The following KRT6C variants were observed in gnomAD, a reference collection of about 807,000 sequenced individuals.
KRT6C encodes the protein keratin, type II cytoskeletal 6C.
KRT6C carries 46 observed loss-of-function variants against 49.4 expected under a neutral mutation model. The ratio of observed to expected loss-of-function variants is 0.93; its 90% CI spans 0.74 to 1.19. The LOEUF is 1.19. KRT6C is among the 50% of genes most tolerant of loss of function. KRT6C has a pLI of 0.00. For missense variants in KRT6C, 552 were observed against 737.5 expected (o/e 0.75, Z 2.91); for synonymous variants, 236 against 297.1 (o/e 0.79, Z 2.12).
rs555701201 is a variant in KRT6C at position 52,472,947 on chromosome 12, G to A, written c.540+251C>T. Among the ~76,000 whole-genome samples the A allele has an allele frequency of 2.7e-5, 4 of 150,146 alleles. No individual in the cohort carries two copies. The South Asian group carries it at 6.4e-4, about 24-fold the overall frequency. ...AATTAACCTACTCCACTCTCTGATG[G>A]CCTCATCTGTGCTTCAGGGTTATGA... On this transcript the variant is annotated intron_variant, in intron 1 of 8. Transcript: ENST00000252250.
At chr12:52,470,209 A>T (rs1009169745) in intron 6 of KRT6C, 2 of 598,894 alleles carry the variant, frequency 3.3e-6, no homozygotes, top group Admixed American at 2.9e-5. Flanking sequence ...TACAAGAATG[A>T]TTTTGAGGAA....
chr12:52,472,748 A>G (rs1228426348), intron 1 of KRT6C, among the ~76,000 whole-genome samples: 2 of 136,076 alleles, frequency 1.5e-5, no homozygotes, highest in Non-Finnish European at 3.4e-5. Context: ...ATTAATTAGC[A>G]TTTATCCATG....
chr12:52,470,425 T>A, intron 6 of KRT6C, 80 bp downstream of exon 6: 1 of 1,611,968 alleles, frequency 6.2e-7, no homozygotes, highest in Non-Finnish European at 8.5e-7. Flanking sequence ...TTTCAGGAAT[T>A]ATATCAAATA....
Position 52,471,740 on chromosome 12 carries a change from A to G in KRT6C, c.756-8T>C. ...TTGATTTCATCCTCATATCTACAGG[A>G]AGAAAGGCATAGGACACATATGAGC... On this transcript the variant is annotated splice_region_variant and splice_polypyrimidine_tract_variant and intron_variant, in intron 2 of 8. Transcript: ENST00000252250. 6.2e-7 allele frequency: 1 copy of G among 1,613,818 alleles called. No individual in the cohort carries two copies. The highest frequency in any genetic ancestry group is 8.5e-7 in the Non-Finnish European group (1 of 1,179,840).
chr12:52,471,162 C>T lies in KRT6C; in HGVS notation c.1047G>A (p.Arg349=), dbSNP rs1264743850. ...AQYEEIAQRS[R]AEAESWYQTK... ...TCTGGTACCAGGACTCAGCCTCAGC[C>T]CGGCTCCTCTGAGCAATCTCCTCGT... is the stretch of plus-strand genomic sequence containing the variant. Residue 349 remains arginine, a synonymous_variant, in exon 5 of 9, where the codon CGG becomes CGA. Coordinates refer to ENST00000252250, the MANE Select transcript of KRT6C (RefSeq NM_173086.5). The T allele has an allele frequency of 6.2e-7, 1 of 1,614,022 alleles. No individual in the cohort carries two copies. Among genetic ancestry groups the T allele is most frequent in the African/African-American group, 1.3e-5 (1 of 74,920 alleles).
chr12:52,469,677 C>G lies in KRT6C; in HGVS notation c.1417G>C (p.Glu473Gln). The part of the protein sequence containing the change: ...ATYRKLLEGE[E>Q]CRLNGEGVGQ... ...GTCGCGTCAGTTACCTACCTGCACT[C>G]CTCGCCCTCCAGCAGCTTGCGGTAG... Residue 473 changes from glutamate (E) to glutamine (Q), a missense_variant, in exon 7 of 9, where the codon GAG (glutamate) becomes CAG (glutamine). Transcript: ENST00000252250. 1 of 1,614,220 alleles carries G rather than the reference C, an allele frequency of 6.2e-7. No individual in the cohort carries two copies. Among genetic ancestry groups the G allele is most frequent in the Non-Finnish European group, 8.5e-7 (1 of 1,180,028 alleles).
rs371748613 is a variant in KRT6C, at chr12:52,471,729, A to G, written c.759T>C (p.Tyr253=). Residue 253 remains tyrosine, a synonymous_variant, in exon 3 of 9, where the codon TAT becomes TAC. Transcript: ENST00000252250. Reference sequence around the variant, plus strand: ...CTGTGCGCTTGTTGATTTCATCCTCATATCTACAGGAAGAAAGGCATAGGA... The same window carrying G: ...CTGTGCGCTTGTTGATTTCATCCTCGTATCTACAGGAAGAAAGGCATAGGA... ...QDLVEDLKNK[Y]EDEINKRTAA... The G allele has an allele frequency of 2.5e-6, 4 of 1,613,678 alleles. No homozygotes were observed. In the African/African-American group the frequency reaches 4.0e-5, roughly 16 times the overall value.
Position 52,472,498 on chromosome 12 carries a change from A to G in KRT6C, c.541-218T>C, listed in dbSNP as rs560364762. On this transcript the variant is annotated intron_variant, in intron 1 of 8. Transcript: ENST00000252250. ...TCCCATGGACCATTGAGGTGTTCTCACGCTGTAAGCTATTGATCATCAGTG... is the reference window on the plus strand; with the variant it reads ...TCCCATGGACCATTGAGGTGTTCTCGCGCTGTAAGCTATTGATCATCAGTG... 3.7e-5 allele frequency among the ~76,000 whole-genome samples: 5 copies of G among 135,288 alleles called. No individual in the cohort carries two copies. In the South Asian group the frequency reaches 7.0e-4, roughly 19 times the overall value. The allele number at this position is 135,288 out of a possible 152,430, so 88.8% of individuals were successfully genotyped here. A position where few individuals can be genotyped will look rare whatever the true frequency, so the allele number is the denominator to read the frequency against.
At chr12:52,470,697 T>C (rs1565808503) in intron 5 of KRT6C, 67 bp from the exon 6 acceptor site, 2 of 1,612,574 alleles carry the variant, frequency 1.2e-6, no homozygotes, top group Non-Finnish European at 1.7e-6. Context: ...TGACTTTCAC[T>C]TGTGTATCAT....
At chr12:52,471,560 T>C (rs771789027) in intron 3 of KRT6C, 44 bp from the exon 4 acceptor site, 1 of 1,599,990 alleles carries the variant, frequency 6.3e-7, no homozygotes, top group East Asian at 2.3e-5. Context: ...AGCTCACCTT[T>C]CCAATCTACC....
Position 52,468,694 on chromosome 12 carries a change from A to G in KRT6C, c.*368T>C. On this transcript the variant is annotated 3_prime_UTR_variant, in exon 9 of 9. Transcript: ENST00000252250. ...TTGGGGGCCAATGGAAAATAAGTGG[A>G]AGTTGTTCTGAAATAAGCCCCAGGC... 1 of 283,874 alleles carries G rather than the reference A, an allele frequency of 3.5e-6. No homozygotes were observed. The allele number at this position is 283,874 out of a possible 1,614,324, so 17.6% of individuals were successfully genotyped here.
In KRT6C at chr12:52,471,727, T is replaced by C. The variant is rs1316315047; in HGVS notation, c.761A>G (p.Glu254Gly). 36 of 1,613,794 alleles carry C rather than the reference T, an allele frequency of 2.2e-5. No homozygotes were observed. Among genetic ancestry groups the C allele is most frequent in the Non-Finnish European group, 3.1e-5 (36 of 1,179,824 alleles). ...DLVEDLKNKY[E>G]DEINKRTAAE... ...TGCTGTGCGCTTGTTGATTTCATCCTCATATCTACAGGAAGAAAGGCATAG... is the reference window on the plus strand; with the variant it reads ...TGCTGTGCGCTTGTTGATTTCATCCCCATATCTACAGGAAGAAAGGCATAG... Residue 254 changes from glutamate (E) to glycine (G), a missense_variant, in exon 3 of 9, where the codon GAG (glutamate) becomes GGG (glycine). Physicochemically the swap from Glu to Gly is moderately conservative, Grantham distance 98 (BLOSUM62 -2). Transcript: ENST00000252250.
rs1937917941 is a variant in KRT6C, at chr12:52,473,188, A to T, written c.540+10T>A. On this transcript the variant is annotated intron_variant, in intron 1 of 8. Coordinates refer to ENST00000252250, the MANE Select transcript of KRT6C (RefSeq NM_173086.5). Reference sequence around the variant, plus strand: ...TGAAGTGCCCGATGGAGGGCATGGCACTGGCTCACCTTGTCGATGAAGGAG... The same window carrying T: ...TGAAGTGCCCGATGGAGGGCATGGCTCTGGCTCACCTTGTCGATGAAGGAG... 6.8e-7 allele frequency: 1 copy of T among 1,476,830 alleles called. No individual in the cohort carries two copies. The highest frequency in any genetic ancestry group is 1.1e-5 in the South Asian group (1 of 89,152). 91.5% of individuals were successfully genotyped at this position (1,476,830 alleles called of 1,614,324 possible). A position where few individuals can be genotyped will look rare whatever the true frequency, so the allele number is the denominator to read the frequency against.
rs1208497207 is a variant in KRT6C at position 52,473,547 on chromosome 12, A to G, written c.191T>C (p.Leu64Pro). The G allele has an allele frequency of 6.3e-7, 1 of 1,581,918 alleles. No individual in the cohort carries two copies. The highest frequency in any genetic ancestry group is 2.2e-5 in the East Asian group (1 of 44,474). Residue 64 changes from leucine to proline, a missense_variant, in exon 1 of 9, where the codon CTG becomes CCG. Physicochemically the swap from Leu to Pro is moderately conservative, Grantham distance 98. Coordinates refer to ENST00000252250, the MANE Select transcript of KRT6C (RefSeq NM_173086.5). ...AGFGSRSLYGLGGSKRISIGG... is the reference protein window; with the variant it reads ...AGFGSRSLYGPGGSKRISIGG... Reference sequence around the variant, plus strand: ...AATGGAGATCCTCTTGGAGCCCCCCAGGCCATACAGACTGCGGCTGCCAAA... The same window carrying G: ...AATGGAGATCCTCTTGGAGCCCCCCGGGCCATACAGACTGCGGCTGCCAAA...
Position 52,473,670 on chromosome 12 carries a change from G to T in KRT6C, c.68C>A (p.Ala23Asp), listed in dbSNP as rs1937934149. The change falls in exon 1 of 9, where the codon GCC becomes GAC. Residue 23 changes from alanine to aspartate, a missense_variant. By Grantham distance (126) the Ala-to-Asp change is moderately radical. This residue lies in a region of KRT6C where 73 missense variants were observed against 102.1 expected (regional missense o/e 0.71). Coordinates refer to ENST00000252250, the MANE Select transcript of KRT6C (RefSeq NM_173086.5). ...AGAGCGGCTGACCCCAGGGAGCCTG[G>T]CTGAGTTGGCACTGAAACCCCGGCG... is the stretch of plus-strand genomic sequence containing the variant. Reference protein sequence around the residue: ...SSRRGFSANSARLPGVSRSGF... With the variant: ...SSRRGFSANSDRLPGVSRSGF... 6.2e-7 allele frequency: 1 copy of T among 1,612,930 alleles called. No individual in the cohort carries two copies. The highest frequency in any genetic ancestry group is 8.5e-7 in the Non-Finnish European group (1 of 1,179,924).
In KRT6C at chr12:52,469,086, G is replaced by T. The variant is rs761220991; in HGVS notation, c.1671C>A (p.Ser557=). ...STIKYTTTSS[S]SRKSYKH ...TTTAGTGCTTGTAGCTCTTCCTGCT[G>T]GAGGAGGAGGTGGTGGTGTACTTGA... is the stretch of plus-strand genomic sequence containing the variant. The change falls in exon 9 of 9, where the codon TCC becomes TCA. Residue 557 remains serine, a synonymous_variant. Transcript: ENST00000252250. 16 of 1,613,976 alleles carry T rather than the reference G, an allele frequency of 9.9e-6. No homozygotes were observed. In the Admixed American group the frequency reaches 2.7e-4, roughly 27 times the overall value.
Position 52,470,592 on chromosome 12 carries a change from G to A in KRT6C, c.1116C>T (p.Asp372=), listed in dbSNP as rs374280857. The change falls in exon 6 of 9, where the codon GAC becomes GAT. Residue 372 remains aspartate, a synonymous_variant. Transcript: ENST00000252250. ...ELQVTAGRHG[D]DLRNTKQEIA... ...TCTCCTGCTTGGTGTTGCGCAGGTCGTCCCCATGTCTGCCTGCTGTGACCT... is the reference window on the plus strand; with the variant it reads ...TCTCCTGCTTGGTGTTGCGCAGGTCATCCCCATGTCTGCCTGCTGTGACCT... 2.7e-5 allele frequency: 44 copies of A among 1,613,968 alleles called. No homozygotes were observed. Among genetic ancestry groups the A allele is most frequent in the Admixed American group, 1.2e-4 (7 of 59,996 alleles).
In KRT6C at chr12:52,470,048, C is replaced by A. The variant is rs143021554; in HGVS notation, c.1204-158G>T. ...CTCCATTTGGCAATATTTGTCTAGT[C>A]TGGGAGTCAAGTGACAAAGTCCTAT... On this transcript the variant is annotated intron_variant, in intron 6 of 8. Coordinates refer to ENST00000252250, the MANE Select transcript of KRT6C (RefSeq NM_173086.5). 233 of 902,388 alleles carry A rather than the reference C, an allele frequency of 2.6e-4. 1 individual carries two copies. The African/African-American group carries it at 3.5e-3, about 14-fold the overall frequency. The allele number at this position is 902,388 out of a possible 1,614,324, so 55.9% of individuals were successfully genotyped here. A position where few individuals can be genotyped will look rare whatever the true frequency, so the allele number is the denominator to read the frequency against.
Position 52,469,057 on chromosome 12 carries a change from G to A in KRT6C, c.*5C>T. ...ACTGTGGGACCGAGAGCTGGAGGCA[G>A]CACTTTAGTGCTTGTAGCTCTTCCT... On this transcript the variant is annotated 3_prime_UTR_variant, in exon 9 of 9. Transcript: ENST00000252250. 1 of 1,614,140 alleles carries A rather than the reference G, an allele frequency of 6.2e-7. No individual in the cohort carries two copies. Among genetic ancestry groups the A allele is most frequent in the Non-Finnish European group, 8.5e-7 (1 of 1,180,004 alleles).
Sources: gnomAD v4.1 joint callset for allele counts (sites outside exome capture counted in the v4.1 genomes callset) on GRCh38, gnomAD v4.1.1 for gene constraint, gnomAD v4.1.1 regional missense constraint, MANE v1.5 for transcripts, NCBI Gene and HGNC (gene_info 2026-07-23, HGNC 2026-07-21) for gene names.